Variants in CCPG1 observed in about 807,000 individuals in gnomAD.
CCPG1 encodes the protein cell cycle progression 1.
CCPG1 carries 46 observed loss-of-function variants against 81.3 expected under a neutral mutation model. That is an observed-to-expected ratio of 0.57 (90% CI 0.45 to 0.72). The LOEUF (loss-of-function observed/expected upper bound fraction) is 0.72. Ranked by LOEUF, CCPG1 falls within the 30% of genes least tolerant of loss-of-function variation. The pLI, the probability that CCPG1 is intolerant of heterozygous loss-of-function variation, is 0.00. For missense variants in CCPG1, 902 were observed against 937.6 expected (o/e 0.96, Z 0.50); for synonymous variants, 330 against 305.2 (o/e 1.08, Z -0.85).
Position 55,365,325 on chromosome 15 carries a change from T to G in CCPG1, c.707-16A>C. On this transcript the variant is annotated splice_polypyrimidine_tract_variant and intron_variant, in intron 6 of 8. Coordinates refer to ENST00000442196, the MANE Select transcript of CCPG1 (RefSeq NM_001204450.2). ...TGAATTGTGCCTAAAATAAATATTT[T>G]TATTAAAGGTATGTAACAAAAATAT... 1.4e-6 allele frequency: 2 copies of G among 1,449,746 alleles called. No homozygotes were observed. Among genetic ancestry groups the G allele is most frequent in the Non-Finnish European group, 1.9e-6 (2 of 1,055,058 alleles). The allele number at this position is 1,449,746 out of a possible 1,614,324, so 89.8% of individuals were successfully genotyped here.
intron 1 of CCPG1, among the ~76,000 whole-genome samples, chr15:55,389,748 C>T (rs74015592): frequency 0.042 from 6,400 of 152,188 alleles, 466 homozygotes; most frequent in African/African-American, 0.15. Flanking sequence ...AAAGGATAAT[C>T]GTGAATGGGG....
chr15:55,395,003 G>A (rs1045037518), intron 1 of CCPG1, among the ~76,000 whole-genome samples: 3 of 152,008 alleles, frequency 2.0e-5, no homozygotes, highest in Admixed American at 1.3e-4. Context: ...AGATGGATTT[G>A]AGACTGAGAT....
intron 5 of CCPG1, among the ~76,000 whole-genome samples, chr15:55,373,432 G>A (rs987322615): frequency 6.6e-6 from 1 of 152,212 alleles, no homozygotes; most frequent in Non-Finnish European, 1.5e-5. Context: ...ATATTTTTCA[G>A]AGATGGATCA....
chr15:55,374,221 G>A (rs754338386), intron 5 of CCPG1: 1 of 1,288,592 alleles, frequency 7.8e-7, no homozygotes, highest in Admixed American at 2.3e-5. Flanking sequence ...ATGCACTCAG[G>A]AATCTTCCAC....
intron 1 of CCPG1, among the ~76,000 whole-genome samples, chr15:55,399,153 A>C (rs1265134070): frequency 1.3e-5 from 2 of 152,100 alleles, no homozygotes; most frequent in African/African-American, 4.8e-5. Context: ...AAGTGAGGGC[A>C]GAGTAGGGGT....
At chr15:55,404,127 T>A (rs2057173976) in intron 1 of CCPG1, among the ~76,000 whole-genome samples, 1 of 151,990 alleles carries the variant, frequency 6.6e-6, no homozygotes, top group Admixed American at 6.6e-5. Context: ...ATATACAAAA[T>A]TATAAGGTAA....
At chr15:55,363,043 AAAAAAC>A (rs1294474462) in intron 7 of CCPG1, among the ~76,000 whole-genome samples, 2 of 151,614 alleles carry the variant, frequency 1.3e-5, no homozygotes, top group Non-Finnish European at 2.9e-5. Context: ...CCTGTCTCTT[AAAAAAC>A]AAAAACAAAA....
chr15:55,379,669 A>G (rs539096496), intron 3 of CCPG1, among the ~76,000 whole-genome samples: 30 of 152,338 alleles, frequency 2.0e-4, no homozygotes, highest in African/African-American at 7.2e-4. Context: ...AGTTCTACCA[A>G]TAATTTTTTT....
chr15:55,356,438 A>C, intron 8 of CCPG1, 29 bp from the exon 9 acceptor site: 1 of 1,454,670 alleles, frequency 6.9e-7, no homozygotes, highest in East Asian at 2.5e-5. Context: ...TTTTTCATCT[A>C]TGTTAGAGTT....
chr15:55,405,861 T>C (rs551457956), intron 1 of CCPG1, among the ~76,000 whole-genome samples: 1 of 152,328 alleles, frequency 6.6e-6, no homozygotes, highest in South Asian at 2.1e-4. Flanking sequence ...TGTTTTTTAC[T>C]GTTGTTGCTT....
intron 8 of CCPG1, chr15:55,359,209 T>G (rs2056141069): frequency 9.9e-7 from 1 of 1,008,808 alleles, no homozygotes; most frequent in East Asian, 8.7e-5. Flanking sequence ...AGGAAAATAA[T>G]TTCACTTAAG....
At chr15:55,359,007 G>T (rs1024355604) in intron 8 of CCPG1, 2 of 977,112 alleles carry the variant, frequency 2.0e-6, no homozygotes, top group Non-Finnish European at 2.4e-6. Flanking sequence ...TGCTTAGTTT[G>T]CCTCTTTGTG....
At chr15:55,399,602 A>C (rs1056755205) in intron 1 of CCPG1, among the ~76,000 whole-genome samples, 1 of 152,028 alleles carries the variant, frequency 6.6e-6, no homozygotes, top group East Asian at 1.9e-4. Context: ...AATTGAATTC[A>C]CATCTAAAAT....
intron 1 of CCPG1, among the ~76,000 whole-genome samples, chr15:55,396,875 T>G (rs2057026734): frequency 6.6e-6 from 1 of 152,092 alleles, no homozygotes; most frequent in Non-Finnish European, 1.5e-5. Flanking sequence ...AGGAGGCCTG[T>G]GTGGATCGCC....
At chr15:55,368,154 C>A (rs1326178287) in intron 6 of CCPG1, among the ~76,000 whole-genome samples, 1 of 152,092 alleles carries the variant, frequency 6.6e-6, no homozygotes, top group South Asian at 2.1e-4. Context: ...GACTTTAGTA[C>A]GTATGGATTT....
Position 55,365,257 on chromosome 15 carries a change from A to T in CCPG1, c.759T>A (p.Asp253Glu), listed in dbSNP as rs200819788. 71 of 1,530,182 alleles carry T rather than the reference A, an allele frequency of 4.6e-5. No homozygotes were observed. The highest frequency in any genetic ancestry group is 5.9e-5 in the Non-Finnish European group (66 of 1,111,508). The allele number at this position is 1,530,182 out of a possible 1,614,324, so 94.8% of individuals were successfully genotyped here. ...RQQLVRKIHE[D>E]ELNDMKDYLS... The stretch of plus-strand genomic sequence containing the variant: ...GATAATCCTTCATATCATTCAATTC[A>T]TCTTCATGTATCTTTCTGACTAACT... The change falls in exon 7 of 9, where the codon GAT becomes GAA. Residue 253 changes from aspartate (D) to glutamate (E), a missense_variant. Asp to Glu is a conservative substitution (Grantham distance 45, BLOSUM62 2). Transcript: ENST00000442196.
intron 8 of CCPG1, 149 bp downstream of exon 8, chr15:55,359,390 C>T: frequency 2.1e-6 from 3 of 1,411,158 alleles, no homozygotes; most frequent in Non-Finnish European, 2.8e-6. Flanking sequence ...TAGACTCCAT[C>T]TTTCAATTTA....
intron 1 of CCPG1, among the ~76,000 whole-genome samples, chr15:55,401,003 AT>A (rs2057118841): frequency 6.6e-6 from 1 of 152,112 alleles, no homozygotes; most frequent in Admixed American, 6.6e-5. Flanking sequence ...TAGTATCTAG[AT>A]TTTGTATCTT....
At position 55,389,443 on chromosome 15, in the gene CCPG1, C is replaced by T. The variant is rs74970525; in HGVS notation, c.-9-10G>A. The T allele has an allele frequency of 0.061, 96,658 of 1,586,186 alleles. 3,628 individuals carry two copies. Among genetic ancestry groups the T allele is most frequent in the East Asian group, 0.17 (7,665 of 44,644 alleles). ...CAGACATCTTTCAGGTCTACAAATA[C>T]AAAAACATATTGACTCATGAGACAC... On this transcript the variant is annotated splice_polypyrimidine_tract_variant and intron_variant, in intron 1 of 8. Transcript: ENST00000442196.
Sources: gnomAD v4.1 joint callset for allele counts (sites outside exome capture counted in the v4.1 genomes callset) on GRCh38, gnomAD v4.1.1 for gene constraint, MANE v1.5 for transcripts, NCBI Gene and HGNC (gene_info 2026-07-23, HGNC 2026-07-21) for gene names.